ORC2: variants seen among roughly 807,000 people sequenced by gnomAD.
ORC2 encodes origin recognition complex protein 2 homolog.
A neutral mutation model predicts 77.7 loss-of-function variants in ORC2; 37 were observed. The ratio of observed to expected loss-of-function variants is 0.48; its 90% CI spans 0.37 to 0.63. ORC2 has a LOEUF of 0.63. Among genes scored for constraint, ORC2 ranks in the 20% least tolerant of loss-of-function variants. The pLI, the probability that ORC2 is intolerant of heterozygous loss-of-function variation, is 0.00. For synonymous variants in ORC2, 201 were observed against 229.5 expected, an observed-to-expected ratio of 0.88 and a Z score of 1.12; for missense variants, 557 against 661.9, an observed-to-expected ratio of 0.84 and a Z score of 1.74.
intron 10 of ORC2, 70 bp downstream of exon 10, chr2:200,933,806 T>A (rs1000913336): frequency 2.7e-6 from 2 of 752,850 alleles, no homozygotes; most frequent in African/African-American, 1.7e-5. Context: ...TTTTCAAATC[T>A]GTTGCTTACG....
At chr2:200,929,087 G>A (rs1050094501) in intron 11 of ORC2, among the ~76,000 whole-genome samples, 2 of 151,988 alleles carry the variant, frequency 1.3e-5, no homozygotes, top group African/African-American at 4.8e-5. Flanking sequence ...AAGTAGCTGG[G>A]ATTACAGGCA....
intron 17 of ORC2, 121 bp from the exon 18 acceptor site, chr2:200,911,508 A>G (rs1015987513): frequency 1.7e-5 from 10 of 571,882 alleles, no homozygotes; most frequent in African/African-American, 1.5e-4. Flanking sequence ...ATATATAAGT[A>G]TAAAAAGGCA....
intron 1 of ORC2, among the ~76,000 whole-genome samples, chr2:200,962,539 G>C (rs1396326305): frequency 6.6e-6 from 1 of 152,202 alleles, no homozygotes; most frequent in African/African-American, 2.4e-5. Flanking sequence ...TAAATGAAAT[G>C]ATGTGCCTGA....
intron 3 of ORC2, 69 bp downstream of exon 3, chr2:200,957,961 G>T: frequency 1.0e-6 from 1 of 1,004,316 alleles, no homozygotes; most frequent in Non-Finnish European, 1.5e-6. Context: ...AATGTTAAAA[G>T]TTTTAAAAGT....
chr2:200,942,626 AT>A (rs1202022493), intron 6 of ORC2, 58 bp downstream of exon 6: 3 of 807,600 alleles, frequency 3.7e-6, no homozygotes, highest in Admixed American at 5.5e-5. Flanking sequence ...AAAAAGTAAC[AT>A]GCTCTATCTT....
chr2:200,949,263 A>G (rs1434236854), intron 5 of ORC2, among the ~76,000 whole-genome samples: 1 of 151,864 alleles, frequency 6.6e-6, no homozygotes, highest in Non-Finnish European at 1.5e-5. Context: ...AAAAGAAACT[A>G]AGCTACATAT....
chr2:200,916,968 AC>A (rs767857586), intron 15 of ORC2, among the ~76,000 whole-genome samples: 2 of 142,938 alleles, frequency 1.4e-5, no homozygotes, highest in East Asian at 4.1e-4. Flanking sequence ...TGCTGGGATT[AC>A]AGGTGTGAGC....
intron 13 of ORC2, 23 bp downstream of exon 13, chr2:200,925,813 A>G (rs2040829539): frequency 9.3e-7 from 1 of 1,080,936 alleles, no homozygotes; most frequent in African/African-American, 1.6e-5. Flanking sequence ...CTCTAAAACT[A>G]CCGAGCATCT....
intron 4 of ORC2, among the ~76,000 whole-genome samples, chr2:200,951,728 AT>A (rs2041360895): frequency 6.6e-6 from 1 of 152,266 alleles, no homozygotes; most frequent in South Asian, 2.1e-4. Context: ...CTATTTGCCT[AT>A]TTTTTAATTA....
At chr2:200,942,274 G>A (rs925392783) in intron 6 of ORC2, among the ~76,000 whole-genome samples, 3 of 152,096 alleles carry the variant, frequency 2.0e-5, no homozygotes, top group Admixed American at 1.3e-4. Context: ...AAAGAGCAAC[G>A]AAATGTACAC....
chr2:200,956,408 T>C (rs1263455326), intron 4 of ORC2, among the ~76,000 whole-genome samples: 1 of 152,154 alleles, frequency 6.6e-6, no homozygotes, highest in Admixed American at 6.6e-5. Context: ...CTCAAACTCC[T>C]GGACTCAAGC....
At chr2:200,931,306 T>C in intron 11 of ORC2, 33 bp downstream of exon 11, 1 of 908,310 alleles carries the variant, frequency 1.1e-6, no homozygotes, top group Non-Finnish European at 1.6e-6. Flanking sequence ...TATTATTCTT[T>C]ATTTTACAAG....
In ORC2 at chr2:200,909,892, G is replaced by A. The variant is rs1165948282; in HGVS notation, c.*1409C>T. 2 of 152,140 alleles carry A rather than the reference G, an allele frequency of 1.3e-5. No individual in the cohort carries two copies. The highest frequency in any genetic ancestry group is 4.8e-5 in the African/African-American group (2 of 41,396). The allele number at this position is 152,140 out of a possible 1,614,324, so 9.4% of individuals were successfully genotyped here. A position where few individuals can be genotyped will look rare whatever the true frequency, so the allele number is the denominator to read the frequency against. Reference sequence around the variant, plus strand: ...TCCTCCTGCCTCAGCCTCCACAGCAGCTAGGACTATAGGCATGGGCCACCA... The same window carrying A: ...TCCTCCTGCCTCAGCCTCCACAGCAACTAGGACTATAGGCATGGGCCACCA... On this transcript the variant is annotated 3_prime_UTR_variant, in exon 18 of 18. Coordinates refer to ENST00000234296, the MANE Select transcript of ORC2 (RefSeq NM_006190.5).
rs768900875 is a variant in ORC2, at chr2:200,921,159, AATTATT to A, written c.1148-26_1148-21del. On this transcript the variant is annotated intron_variant, in intron 13 of 17. Coordinates refer to ENST00000234296, the MANE Select transcript of ORC2 (RefSeq NM_006190.5). ...AAGAATCTAAAAAGAAAAGAAATCC[AATTATT>A]ATTATTATTATTTTTAGAGGGTCTC... The A allele has an allele frequency of 1.3e-6, 2 of 1,488,106 alleles. No individual in the cohort carries two copies. Among genetic ancestry groups the A allele is most frequent in the East Asian group, 2.4e-5 (1 of 41,602 alleles). The allele number at this position is 1,488,106 out of a possible 1,614,324, so 92.2% of individuals were successfully genotyped here. A position where few individuals can be genotyped will look rare whatever the true frequency, so the allele number is the denominator to read the frequency against.
intron 14 of ORC2, 67 bp from the exon 15 acceptor site, chr2:200,920,460 C>G (rs1413085642): frequency 2.4e-6 from 3 of 1,261,868 alleles, no homozygotes; most frequent in Non-Finnish European, 3.2e-6. Context: ...CTAGATTCCA[C>G]TTTACAAAAG....
chr2:200,935,628 C>T, intron 9 of ORC2, 71 bp downstream of exon 9: 1 of 1,026,136 alleles, frequency 9.7e-7, no homozygotes, highest in Non-Finnish European at 1.4e-6. Flanking sequence ...AGATGTGGAT[C>T]TCTTAGGGTA....
In ORC2 at chr2:200,957,691, C is replaced by A. The variant is rs1488208944; in HGVS notation, c.95-147G>T. On this transcript the variant is annotated intron_variant, in intron 3 of 17. Transcript: ENST00000234296. ...CTTTGATTAAAACTGACCACTCTGA[C>A]CACTCTTCCACAGTTTATATAGTTA... 3 of 510,254 alleles carry A rather than the reference C, an allele frequency of 5.9e-6. No individual in the cohort carries two copies. In the African/African-American group the frequency reaches 6.0e-5, roughly 10 times the overall value. The allele number at this position is 510,254 out of a possible 1,614,324, so 31.6% of individuals were successfully genotyped here. A position where few individuals can be genotyped will look rare whatever the true frequency, so the allele number is the denominator to read the frequency against.
At chr2:200,958,364 T>A (rs2125038893) in intron 2 of ORC2, among the ~76,000 whole-genome samples, 1 of 152,234 alleles carries the variant, frequency 6.6e-6, no homozygotes, top group South Asian at 2.1e-4. Context: ...AAGAGCTAAA[T>A]CCAATCAAGG....
chr2:200,954,548 A>C (rs1482203625), intron 4 of ORC2, among the ~76,000 whole-genome samples: 1 of 152,230 alleles, frequency 6.6e-6, no homozygotes, highest in Non-Finnish European at 1.5e-5. Flanking sequence ...GAACAGACAG[A>C]AGATACACAC....
Sources: allele counts gnomAD v4.1 joint callset (sites outside exome capture counted in the v4.1 genomes callset), GRCh38; gene constraint gnomAD v4.1.1; transcripts MANE v1.5; gene names NCBI Gene and HGNC (gene_info 2026-07-23, HGNC 2026-07-21).